SYNDIG1L: variants seen among roughly 807,000 people sequenced by gnomAD.
SYNDIG1L encodes the protein synapse differentiation inducing 1 like, also known as synapse differentiation-inducing gene protein 1-like.
Under a neutral mutation model 20.1 loss-of-function variants are expected in SYNDIG1L, and 13 were observed. The ratio of observed to expected loss-of-function variants is 0.65; its 90% CI spans 0.42 to 1.03. The LOEUF is 1.03. Among genes scored for constraint, SYNDIG1L ranks in the 50% least tolerant of loss-of-function variants. The pLI is 0.00. For synonymous variants in SYNDIG1L, 128 were observed against 129.3 expected, an observed-to-expected ratio of 0.99 and a Z score of 0.07; for missense variants, 294 against 305.1, an observed-to-expected ratio of 0.96 and a Z score of 0.27.
the SYNDIG1L span, among the ~76,000 whole-genome samples, chr14:74,442,732 C>T: frequency 6.6e-6 from 1 of 152,024 alleles, no homozygotes; most frequent in Non-Finnish European, 1.5e-5. Flanking sequence ...ATATGGTAGC[C>T]TAGAATGGAT....
chr14:74,471,485 C>T, the SYNDIG1L span, among the ~76,000 whole-genome samples: 1 of 152,020 alleles, frequency 6.6e-6, no homozygotes, highest in Admixed American at 6.6e-5. Context: ...GAAATCTCAG[C>T]TACTTGGGGG....
At chr14:74,459,532 C>T in the SYNDIG1L span, among the ~76,000 whole-genome samples, 1 of 152,146 alleles carries the variant, frequency 6.6e-6, no homozygotes, top group Admixed American at 6.5e-5. Flanking sequence ...TCTCGGGAAT[C>T]ATGTGACTGA....
At chr14:74,429,133 G>C (rs1387605434), upstream of SYNDIG1L, among the ~76,000 whole-genome samples, 2 of 152,200 alleles carry the variant, frequency 1.3e-5, no homozygotes, top group Admixed American at 6.5e-5. Context: ...AAAAGGGAAA[G>C]GCCCAGACTT....
rs1382473100 is a variant in SYNDIG1L, at chr14:74,406,487, T to A, written c.*1048A>T. On this transcript the variant is annotated 3_prime_UTR_variant, in exon 4 of 4. Coordinates refer to ENST00000331628, the MANE Select transcript of SYNDIG1L (RefSeq NM_001105579.2). Reference sequence around the variant, plus strand: ...TATGTGACCAAATCCCTTAGATGAATTCTATTCATCCTAGGACTTGCTCAA... The same window carrying A: ...TATGTGACCAAATCCCTTAGATGAAATCTATTCATCCTAGGACTTGCTCAA... 1 of 162,072 alleles carries A rather than the reference T, an allele frequency of 6.2e-6. No individual in the cohort carries two copies. Among genetic ancestry groups the A allele is most frequent in the Admixed American group, 6.4e-5 (1 of 15,562 alleles). The allele number at this position is 162,072 out of a possible 1,614,324, so 10.0% of individuals were successfully genotyped here.
chr14:74,471,606 A>ACC, the SYNDIG1L span, among the ~76,000 whole-genome samples: 1 of 151,980 alleles, frequency 6.6e-6, no homozygotes, highest in Middle Eastern at 3.4e-3. Flanking sequence ...TCACACACAC[A>ACC]CACACACACA....
intron 1 of SYNDIG1L, among the ~76,000 whole-genome samples, chr14:74,410,481 T>A (rs1032331567): frequency 2.6e-5 from 4 of 152,084 alleles, no homozygotes; most frequent in Non-Finnish European, 5.9e-5. Context: ...GGTACTAGGT[T>A]AGGATCTGGG....
the SYNDIG1L span, among the ~76,000 whole-genome samples, chr14:74,433,073 T>C: frequency 6.6e-6 from 1 of 152,220 alleles, no homozygotes; most frequent in Non-Finnish European, 1.5e-5. Context: ...ATACACTGTT[T>C]CATTTCATCT....
the SYNDIG1L span, among the ~76,000 whole-genome samples, chr14:74,465,378 C>T: frequency 3.3e-5 from 5 of 152,174 alleles, no homozygotes; most frequent in African/African-American, 9.7e-5. Flanking sequence ...CAGCTCAAGC[C>T]GGCTCATCCT....
At position 74,407,886 on chromosome 14, in the gene SYNDIG1L, C is replaced by A; in HGVS notation, c.521G>T (p.Trp174Leu). 1 of 1,613,926 alleles carries A rather than the reference C, an allele frequency of 6.2e-7. No individual in the cohort carries two copies. Among genetic ancestry groups the A allele is most frequent in the Non-Finnish European group, 8.5e-7 (1 of 1,179,890 alleles). Residue 174 changes from tryptophan (W) to leucine (L), a missense_variant, in exon 3 of 4, where the codon TGG (tryptophan) becomes TTG (leucine). Transcript: ENST00000331628. ...LTLFSMLCCFWPLGIAAFYFS... is the reference protein window; with the variant it reads ...LTLFSMLCCFLPLGIAAFYFS... Reference sequence around the variant, plus strand: ...GTAGAAGGCAGCAATGCCCAGTGGCCAGAAGCAGCAGAGCATGGAGAAGAG... The same window carrying A: ...GTAGAAGGCAGCAATGCCCAGTGGCAAGAAGCAGCAGAGCATGGAGAAGAG...
chr14:74,440,658 C>A, the SYNDIG1L span, among the ~76,000 whole-genome samples: 1 of 151,844 alleles, frequency 6.6e-6, no homozygotes, highest in East Asian at 1.9e-4. Flanking sequence ...GAACTCCAGC[C>A]TGGGGGACAC....
chr14:74,458,555 G>A, the SYNDIG1L span, among the ~76,000 whole-genome samples: 2 of 149,842 alleles, frequency 1.3e-5, no homozygotes, highest in Non-Finnish European at 3.0e-5. Context: ...CCAGGAGGCG[G>A]AGGTTGCAGT....
chr14:74,407,510 G>C lies in SYNDIG1L; in HGVS notation c.*25C>G, dbSNP rs562194412. On this transcript the variant is annotated 3_prime_UTR_variant, in exon 4 of 4. Coordinates refer to ENST00000331628, the MANE Select transcript of SYNDIG1L (RefSeq NM_001105579.2). ...ACTGCTTCCTCAGGTGGGCAGGGGA[G>C]TCAGGATGCAGGCCCTACTGGCTAC... 35 of 1,612,762 alleles carry C rather than the reference G, an allele frequency of 2.2e-5. No individual in the cohort carries two copies. The East Asian group carries it at 7.4e-4, about 34-fold the overall frequency.
rs187226956 is a variant in SYNDIG1L, at chr14:74,409,460, C to T, written c.285G>A (p.Arg95=). ...GCTCTGGAGGCCCCTCCTGGGGCTC[C>T]CTGTCCTCTGTGAAGCTTGTCTCAC... The part of the protein sequence containing the change: ...GSCETSFTED[R]EPQEGPPEQP... The change falls in exon 2 of 4, where the codon AGG becomes AGA. Residue 95 remains arginine, a synonymous_variant. Transcript: ENST00000331628. 1.2e-6 allele frequency: 2 copies of T among 1,613,662 alleles called. No individual in the cohort carries two copies. The highest frequency in any genetic ancestry group is 1.7e-5 in the Admixed American group (1 of 59,972).
chr14:74,446,799 T>C, the SYNDIG1L span, among the ~76,000 whole-genome samples: 1 of 152,144 alleles, frequency 6.6e-6, no homozygotes, highest in African/African-American at 2.4e-5. Flanking sequence ...GTATTTTTAG[T>C]AGAGACAGGG....
the SYNDIG1L span, among the ~76,000 whole-genome samples, chr14:74,433,030 T>C: frequency 6.6e-6 from 1 of 152,226 alleles, no homozygotes; most frequent in Non-Finnish European, 1.5e-5. Context: ...TCTTAAATAA[T>C]TTAATAAGTG....
At chr14:74,452,811 C>T in the SYNDIG1L span, among the ~76,000 whole-genome samples, 2 of 152,030 alleles carry the variant, frequency 1.3e-5, no homozygotes, top group Admixed American at 6.6e-5. Flanking sequence ...TTTCTCATAG[C>T]CAAAAACTAG....
chr14:74,454,481 G>A, the SYNDIG1L span, among the ~76,000 whole-genome samples: 59 of 152,318 alleles, frequency 3.9e-4, 1 homozygote, highest in African/African-American at 1.3e-3. Flanking sequence ...CTAGGTGACT[G>A]CCTGGCTCTA....
At chr14:74,415,781 CCCT>C (rs1359468999) in intron 1 of SYNDIG1L, among the ~76,000 whole-genome samples, 1 of 151,934 alleles carries the variant, frequency 6.6e-6, no homozygotes, top group Admixed American at 6.6e-5. Flanking sequence ...GCTCAAGCGA[CCCT>C]CCCACCTTGG....
At chr14:74,408,098 C>G in intron 2 of SYNDIG1L, 109 bp from the exon 3 acceptor site, 1 of 1,341,346 alleles carries the variant, frequency 7.5e-7, no homozygotes, top group Non-Finnish European at 1.0e-6. Context: ...CATGGAGCAA[C>G]AAGCAGTCTC....
Sources: gnomAD v4.1 joint callset for allele counts (sites outside exome capture counted in the v4.1 genomes callset) on GRCh38, gnomAD v4.1.1 for gene constraint, MANE v1.5 for transcripts, NCBI Gene and HGNC (gene_info 2026-07-23, HGNC 2026-07-21) for gene names.